ADGRG6: variants seen among roughly 807,000 people sequenced by gnomAD.
ADGRG6 encodes the protein G-protein coupled receptor 126.
In ADGRG6, 84 loss-of-function variants were observed where a neutral mutation model predicts 142.4. The ratio of observed to expected loss-of-function variants is 0.59; its 90% CI spans 0.49 to 0.71. The LOEUF is 0.71. Among genes scored for constraint, ADGRG6 ranks in the 30% least tolerant of loss-of-function variants. The probability of loss-of-function intolerance (pLI) is 0.00; values close to 1 mark genes in which losing one functional copy is unlikely to be tolerated. For missense variants in ADGRG6, 1,367 were observed against 1,466.6 expected, an observed-to-expected ratio of 0.93 and a Z score of 1.11; for synonymous variants, 521 against 520.5, an observed-to-expected ratio of 1.00 and a Z score of -0.01.
intron 2 of ADGRG6, among the ~76,000 whole-genome samples, chr6:142,317,798 TA>T (rs1374359187): frequency 2.1e-5 from 2 of 93,156 alleles, no homozygotes; most frequent in African/African-American, 9.0e-5. Context: ...ATAATATATA[TA>T]TTATATATAT....
intron 22 of ADGRG6, among the ~76,000 whole-genome samples, chr6:142,427,701 G>T (rs1475947649): frequency 6.6e-6 from 1 of 152,174 alleles, no homozygotes; most frequent in East Asian, 1.9e-4. Flanking sequence ...AAAGAAAGAG[G>T]TTTAATTGCA....
chr6:142,333,516 A>G lies in ADGRG6; in HGVS notation c.103+23872A>G, dbSNP rs1779165710. Among the ~76,000 whole-genome samples, 5 of 152,146 alleles carry G rather than the reference A, an allele frequency of 3.3e-5. No homozygotes were observed. In the South Asian group the frequency reaches 1.0e-3, roughly 32 times the overall value. On this transcript the variant is annotated intron_variant, in intron 2 of 24. Coordinates refer to ENST00000367609, the MANE Select transcript of ADGRG6 (RefSeq NM_198569.3). ...GATGTAATCTCACTTTCATCACTTAAAAAAGTTTTTTTTAGTAGATATAAG... is the reference window on the plus strand; with the variant it reads ...GATGTAATCTCACTTTCATCACTTAGAAAAGTTTTTTTTAGTAGATATAAG...
chr6:142,430,657 A>G (rs1777167985), intron 22 of ADGRG6, among the ~76,000 whole-genome samples: 1 of 152,220 alleles, frequency 6.6e-6, no homozygotes, highest in Non-Finnish European at 1.5e-5. Context: ...GACCAAGGTT[A>G]AACACAACCC....
intron 10 of ADGRG6, 88 bp downstream of exon 10, chr6:142,397,843 G>A (rs769718154): frequency 2.3e-5 from 19 of 811,180 alleles, no homozygotes; most frequent in Admixed American, 4.0e-5. Context: ...TTCTTTATGC[G>A]CTATTTGTTT....
chr6:142,415,186 C>A, intron 19 of ADGRG6, 90 bp downstream of exon 19: 1 of 861,698 alleles, frequency 1.2e-6, no homozygotes, highest in Non-Finnish European at 1.7e-6. Flanking sequence ...CATTTATACA[C>A]TGTAGGGTGG....
chr6:142,367,028 A>G (rs1285355300), intron 2 of ADGRG6, among the ~76,000 whole-genome samples: 2 of 152,238 alleles, frequency 1.3e-5, no homozygotes, highest in Non-Finnish European at 2.9e-5. Flanking sequence ...GTCTGCCAGA[A>G]GATAGCTCAT....
intron 10 of ADGRG6, among the ~76,000 whole-genome samples, chr6:142,399,634 T>C (rs1355718224): frequency 6.6e-6 from 1 of 152,168 alleles, no homozygotes; most frequent in Non-Finnish European, 1.5e-5. Context: ...CGTTTTATTG[T>C]TTTTCTGCAA....
At chr6:142,363,096 A>G (rs1780795060) in intron 2 of ADGRG6, among the ~76,000 whole-genome samples, 1 of 152,192 alleles carries the variant, frequency 6.6e-6, no homozygotes, top group Non-Finnish European at 1.5e-5. Context: ...ATATGTTCAA[A>G]TAGAGATCAA....
chr6:142,322,686 G>A (rs916027630), intron 2 of ADGRG6, among the ~76,000 whole-genome samples: 15 of 152,018 alleles, frequency 9.9e-5, no homozygotes, highest in Non-Finnish European at 1.6e-4. Flanking sequence ...TTTTTGGCTT[G>A]TCACCATAAT....
At chr6:142,392,310 A>G (rs1774934336) in intron 7 of ADGRG6, among the ~76,000 whole-genome samples, 1 of 151,968 alleles carries the variant, frequency 6.6e-6, no homozygotes, top group Non-Finnish European at 1.5e-5. Context: ...AAGCTTCTTT[A>G]TATTGGAGGA....
At chr6:142,374,197 T>C (rs1781390550) in intron 4 of ADGRG6, among the ~76,000 whole-genome samples, 2 of 152,124 alleles carry the variant, frequency 1.3e-5, no homozygotes, top group South Asian at 2.1e-4. Context: ...TCTAAAGAAC[T>C]GAGAGTCCGC....
chr6:142,419,004 A>G (rs1776520403), intron 21 of ADGRG6, among the ~76,000 whole-genome samples: 1 of 152,110 alleles, frequency 6.6e-6, no homozygotes, highest in Non-Finnish European at 1.5e-5. Context: ...TCACTGGGAT[A>G]TTTTGTAATC....
At chr6:142,324,908 A>G (rs1156944637) in intron 2 of ADGRG6, among the ~76,000 whole-genome samples, 1 of 152,120 alleles carries the variant, frequency 6.6e-6, no homozygotes, top group Non-Finnish European at 1.5e-5. Context: ...AGTAAAGCCC[A>G]TTATTAGAAG....
chr6:142,375,229 A>G (rs187502259), intron 4 of ADGRG6, among the ~76,000 whole-genome samples: 269 of 152,308 alleles, frequency 1.8e-3, no homozygotes, highest in Admixed American at 2.6e-3. Context: ...ATCGGAGTGC[A>G]TCAAATACAT....
At chr6:142,425,980 CT>C (rs1170676312) in intron 22 of ADGRG6, among the ~76,000 whole-genome samples, 17 of 152,138 alleles carry the variant, frequency 1.1e-4, no homozygotes, top group Admixed American at 2.0e-4. Flanking sequence ...ATTCAATCAC[CT>C]TCCACTGGGT....
intron 2 of ADGRG6, among the ~76,000 whole-genome samples, chr6:142,325,052 A>T (rs1190383346): frequency 6.6e-6 from 1 of 152,168 alleles, no homozygotes; most frequent in Non-Finnish European, 1.5e-5. Flanking sequence ...TACTTGGATT[A>T]TTTAGAATGC....
chr6:142,333,844 A>G (rs1779184277), intron 2 of ADGRG6, among the ~76,000 whole-genome samples: 1 of 152,226 alleles, frequency 6.6e-6, no homozygotes, highest in South Asian at 2.1e-4. Flanking sequence ...CAGAGAAGTT[A>G]ATGGATTTGT....
rs2294766 is a variant in ADGRG6, at chr6:142,410,349, T to C, written c.2434+430T>C. ...TCCAGTTATGAGGGAGGTGAGAAGC[T>C]GACTGAAGGAATGTAAATATAGAAA... On this transcript the variant is annotated intron_variant, in intron 17 of 24. Coordinates refer to ENST00000367609, the MANE Select transcript of ADGRG6 (RefSeq NM_198569.3). Among the ~76,000 whole-genome samples the C allele has an allele frequency of 2.6e-4, 39 of 152,204 alleles. No homozygotes were observed. In the East Asian group the frequency reaches 7.3e-3, roughly 29 times the overall value.
At chr6:142,371,194 A>G (rs901545330) in intron 4 of ADGRG6, among the ~76,000 whole-genome samples, 5 of 151,980 alleles carry the variant, frequency 3.3e-5, no homozygotes, top group African/African-American at 4.8e-5. Flanking sequence ...ACAGAGTCTC[A>G]CTGTGTTGCC....
Sources: gnomAD v4.1 joint callset for allele counts (sites outside exome capture counted in the v4.1 genomes callset) on GRCh38, gnomAD v4.1.1 for gene constraint, MANE v1.5 for transcripts, NCBI Gene and HGNC (gene_info 2026-07-23, HGNC 2026-07-21) for gene names.